The following GRM7 variants were observed in gnomAD, a reference collection of about 807,000 sequenced individuals.
GRM7 encodes the protein glutamate metabotropic receptor 7.
Under a neutral mutation model 84.5 loss-of-function variants are expected in GRM7, and 35 were observed. The observed-to-expected ratio is 0.41, with a 90% CI of 0.32 to 0.55. The LOEUF (loss-of-function observed/expected upper bound fraction) is 0.55, where lower values mean the gene tolerates loss of function less well. GRM7 is among the 20% of genes least tolerant of loss of function. The probability of loss-of-function intolerance (pLI) is 0.19; values close to 1 mark genes in which losing one functional copy is unlikely to be tolerated. For synonymous variants in GRM7, 487 were observed against 455.1 expected (o/e 1.07, Z -0.89); for missense variants, 1,003 against 1,194.6 (o/e 0.84, Z 2.36).
intron 5 of GRM7, among the ~76,000 whole-genome samples, chr3:7,434,057 C>A (rs1696940877): frequency 6.6e-6 from 1 of 151,996 alleles, no homozygotes; most frequent in South Asian, 2.1e-4. Flanking sequence ...TTGTTAAATT[C>A]AACCCTAAGT....
intron 1 of GRM7, among the ~76,000 whole-genome samples, chr3:7,108,062 G>C (rs1329007062): frequency 6.6e-6 from 1 of 152,056 alleles, no homozygotes; most frequent in African/African-American, 2.4e-5. Flanking sequence ...GTAATTCACT[G>C]TACCAAGCAA....
chr3:7,080,107 TTA>T (rs1487082201), intron 1 of GRM7, among the ~76,000 whole-genome samples: 1 of 152,052 alleles, frequency 6.6e-6, no homozygotes, highest in African/African-American at 2.4e-5. Flanking sequence ...TATAGTGTCT[TTA>T]TTTCTCTCCT....
chr3:7,268,199 G>C (rs1437971620), intron 2 of GRM7, among the ~76,000 whole-genome samples: 1 of 152,090 alleles, frequency 6.6e-6, no homozygotes, highest in Non-Finnish European at 1.5e-5. Context: ...CTGGTTCAGA[G>C]AGAATCCAAA....
chr3:7,438,214 A>G (rs1697138817), intron 5 of GRM7, among the ~76,000 whole-genome samples: 1 of 152,026 alleles, frequency 6.6e-6, no homozygotes, highest in African/African-American at 2.4e-5. Context: ...AGACATTGTG[A>G]GACCAGTGAG....
At chr3:7,387,484 TCAAGTTTCATTCTGCTA>T (rs1694829235) in intron 4 of GRM7, among the ~76,000 whole-genome samples, 1 of 152,296 alleles carries the variant, frequency 6.6e-6, no homozygotes, top group East Asian at 1.9e-4. Context: ...GAGATAGGGA[TCAAGTTTCATTCTGCTA>T]CATTTGGTTA....
intron 2 of GRM7, among the ~76,000 whole-genome samples, chr3:7,160,877 G>A (rs182112823): frequency 2.2e-3 from 332 of 152,162 alleles, no homozygotes; most frequent in Non-Finnish European, 3.5e-3. Context: ...TTGCAAACTT[G>A]CTAAAGGTAG....
intron 1 of GRM7, among the ~76,000 whole-genome samples, chr3:7,046,381 T>C (rs1366117491): frequency 6.6e-6 from 1 of 152,242 alleles, no homozygotes; most frequent in East Asian, 1.9e-4. Context: ...CATATGATGT[T>C]TATGGCTTCT....
intron 8 of GRM7, among the ~76,000 whole-genome samples, chr3:7,594,327 G>A (rs1335307593): frequency 6.6e-6 from 1 of 152,134 alleles, no homozygotes; most frequent in Non-Finnish European, 1.5e-5. Context: ...TGCATAGTGT[G>A]TAATGCCAGG....
chr3:7,490,916 T>TA (rs1699495251), intron 7 of GRM7, among the ~76,000 whole-genome samples: 1 of 151,792 alleles, frequency 6.6e-6, no homozygotes, highest in African/African-American at 2.4e-5. Flanking sequence ...GGTAAATAAA[T>TA]AATCTAAAAC....
rs148351977 is a variant in GRM7 at position 6,889,541 on chromosome 3, T to A, written c.519+27634T>A. 3.3e-5 allele frequency among the ~76,000 whole-genome samples: 5 copies of A among 152,086 alleles called. No individual in the cohort carries two copies. The East Asian group carries it at 7.7e-4, about 23-fold the overall frequency. On this transcript the variant is annotated intron_variant, in intron 1 of 9. Coordinates refer to ENST00000357716, the MANE Select transcript of GRM7 (RefSeq NM_000844.4). ...TTATATGCTGGATTACATTTATTGA[T>A]TTGCATATATTGAACCAGCCTTGCA...
At chr3:7,569,196 C>T (rs564546556) in intron 7 of GRM7, among the ~76,000 whole-genome samples, 1 of 152,196 alleles carries the variant, frequency 6.6e-6, no homozygotes, top group South Asian at 2.1e-4. Flanking sequence ...TTTGTGAATG[C>T]ACCAATCTAC....
At chr3:7,671,485 G>A (rs1238031153) in intron 8 of GRM7, among the ~76,000 whole-genome samples, 3 of 151,768 alleles carry the variant, frequency 2.0e-5, no homozygotes, top group East Asian at 1.9e-4. Context: ...TGGAGCGCTC[G>A]CCTTACGTCT....
intron 1 of GRM7, among the ~76,000 whole-genome samples, chr3:6,937,676 G>C (rs1697737953): frequency 1.3e-5 from 2 of 152,130 alleles, no homozygotes; most frequent in Admixed American, 6.6e-5. Context: ...TTGCTTACAG[G>C]GGTTTTCTGA....
chr3:7,129,741 C>G (rs756241483), intron 1 of GRM7, among the ~76,000 whole-genome samples: 15 of 152,308 alleles, frequency 9.8e-5, no homozygotes, highest in Admixed American at 2.6e-4. Context: ...CAGAAGTAGC[C>G]TGGGTCCTTG....
intron 9 of GRM7, among the ~76,000 whole-genome samples, chr3:7,730,670 A>G (rs1240284728): frequency 2.0e-5 from 3 of 152,214 alleles, no homozygotes; most frequent in Non-Finnish European, 2.9e-5. Context: ...TCATCCAGGA[A>G]CACTAAGTAC....
intron 1 of GRM7, among the ~76,000 whole-genome samples, chr3:6,999,928 T>C (rs1298263553): frequency 6.6e-6 from 1 of 152,200 alleles, no homozygotes; most frequent in Admixed American, 6.5e-5. Flanking sequence ...TTTAGTAGCA[T>C]AAATGAATAT....
At chr3:7,300,380 C>A (rs1699956679) in intron 3 of GRM7, among the ~76,000 whole-genome samples, 1 of 152,108 alleles carries the variant, frequency 6.6e-6, no homozygotes, top group African/African-American at 2.4e-5. Flanking sequence ...GGTGGCAGGG[C>A]TATTAAATGG....
chr3:7,511,548 T>TCAG (rs1489623985), intron 7 of GRM7, among the ~76,000 whole-genome samples: 39 of 151,118 alleles, frequency 2.6e-4, no homozygotes, highest in African/African-American at 8.7e-4. Flanking sequence ...TCTCATCTCT[T>TCAG]CAGCTGCGTT....
At chr3:7,227,782 T>C (rs112459505) in intron 2 of GRM7, among the ~76,000 whole-genome samples, 34 of 152,284 alleles carry the variant, frequency 2.2e-4, no homozygotes, top group African/African-American at 7.7e-4. Flanking sequence ...TCACTGGGTA[T>C]TATATTGAAT....
Sources: gnomAD v4.1 joint callset for allele counts (sites outside exome capture counted in the v4.1 genomes callset) on GRCh38, gnomAD v4.1.1 for gene constraint, MANE v1.5 for transcripts, NCBI Gene and HGNC (gene_info 2026-07-23, HGNC 2026-07-21) for gene names.